The following HDAC9 variants were observed in gnomAD, a reference collection of about 807,000 sequenced individuals.
HDAC9 encodes histone deacetylase 9.
In HDAC9, 41 loss-of-function variants were observed where a neutral mutation model predicts 139.4. That is an observed-to-expected ratio of 0.29 (90% CI 0.23 to 0.38). The LOEUF is 0.38. Ranked by LOEUF, HDAC9 falls within the 10% of genes least tolerant of loss-of-function variation. The probability of loss-of-function intolerance (pLI) is 1.00; values close to 1 mark genes in which losing one functional copy is unlikely to be tolerated. For synonymous variants in HDAC9, 517 were observed against 476.2 expected (o/e 1.09, Z -1.12); for missense variants, 1,147 against 1,297.0 (o/e 0.88, Z 1.78).
chr7:18,161,951 T>G (rs940691152), intron 1 of HDAC9, among the ~76,000 whole-genome samples: 4 of 152,216 alleles, frequency 2.6e-5, no homozygotes, highest in African/African-American at 9.6e-5. Flanking sequence ...AACAATAAGC[T>G]AATTATAATT....
chr7:18,805,308 C>A (rs2129185881), intron 17 of HDAC9, among the ~76,000 whole-genome samples: 1 of 152,188 alleles, frequency 6.6e-6, no homozygotes, highest in African/African-American at 2.4e-5. Context: ...TAGACTGTTA[C>A]CAGAGTGGGG....
chr7:18,711,158 A>G (rs751977903), intron 12 of HDAC9, among the ~76,000 whole-genome samples: 14 of 152,210 alleles, frequency 9.2e-5, no homozygotes, highest in Middle Eastern at 3.2e-3. Flanking sequence ...AAATTTACAA[A>G]TTCAAAAGAT....
chr7:18,864,214 T>C (rs1585179300), intron 21 of HDAC9, among the ~76,000 whole-genome samples: 1 of 152,140 alleles, frequency 6.6e-6, no homozygotes, highest in Admixed American at 6.5e-5. Context: ...AATGAAGGGA[T>C]CCTGCCATAT....
intron 1 of HDAC9, among the ~76,000 whole-genome samples, chr7:18,434,740 A>T (rs13235862): frequency 6.6e-5 from 10 of 152,176 alleles, no homozygotes; most frequent in African/African-American, 2.4e-4. Context: ...TCAAAAAATA[A>T]CAAATGCTGA....
Position 18,835,381 on chromosome 7 carries a change from A to C in HDAC9, c.2467-86A>C, listed in dbSNP as rs1796161342. The C allele has an allele frequency of 2.2e-6, 3 of 1,368,438 alleles. No homozygotes were observed. The Admixed American group carries it at 7.7e-5, about 35-fold the overall frequency. The allele number at this position is 1,368,438 out of a possible 1,614,324, so 84.8% of individuals were successfully genotyped here. A position where few individuals can be genotyped will look rare whatever the true frequency, so the allele number is the denominator to read the frequency against. On this transcript the variant is annotated intron_variant, in intron 19 of 25. Coordinates refer to ENST00000686413, the MANE Select transcript of HDAC9 (RefSeq NM_178425.4). ...AGAAAATGAGAAAGAAAGTGGTAGA[A>C]AGACAGGGAACTAGAAATCAGAAAG... is the stretch of plus-strand genomic sequence containing the variant.
At chr7:18,414,185 A>G (rs1239092685) in intron 1 of HDAC9, among the ~76,000 whole-genome samples, 1 of 152,192 alleles carries the variant, frequency 6.6e-6, no homozygotes, top group Non-Finnish European at 1.5e-5. Flanking sequence ...AATTTGAAAA[A>G]TATTTGAGAT....
intron 1 of HDAC9, among the ~76,000 whole-genome samples, chr7:18,326,161 C>A (rs113621965): frequency 2.2e-4 from 33 of 152,112 alleles, no homozygotes; most frequent in African/African-American, 7.7e-4. Context: ...TTAATATTTT[C>A]TGTTTTTAAT....
intron 1 of HDAC9, among the ~76,000 whole-genome samples, chr7:18,396,129 C>CTTCCT: frequency 8.3e-6 from 1 of 120,430 alleles, no homozygotes; most frequent in East Asian, 3.2e-4. Context: ...CTTCCCTTCC[C>CTTCCT]TTGCCTTCCC....
chr7:18,782,817 G>C (rs1202068267), intron 16 of HDAC9, among the ~76,000 whole-genome samples: 3 of 151,970 alleles, frequency 2.0e-5, no homozygotes, highest in Non-Finnish European at 2.9e-5. Context: ...AATCCTATGA[G>C]GAAGGAGTAT....
intron 17 of HDAC9, among the ~76,000 whole-genome samples, chr7:18,797,888 T>C (rs1792944800): frequency 6.6e-6 from 1 of 152,094 alleles, no homozygotes; most frequent in South Asian, 2.1e-4. Context: ...TTTTGCTTTA[T>C]AAAAATGGAA....
chr7:18,867,900 T>C (rs943123994), intron 21 of HDAC9, among the ~76,000 whole-genome samples: 2 of 152,152 alleles, frequency 1.3e-5, no homozygotes, highest in Admixed American at 6.6e-5. Context: ...TTCAATTTTA[T>C]TTCTTCAGAT....
chr7:18,952,158 A>G (rs1398948407), intron 23 of HDAC9, among the ~76,000 whole-genome samples: 2 of 151,990 alleles, frequency 1.3e-5, no homozygotes, highest in South Asian at 2.1e-4. Flanking sequence ...TAAATGATCA[A>G]TTTAATTGCC....
chr7:18,526,740 A>G (rs1442164495), intron 2 of HDAC9, among the ~76,000 whole-genome samples: 2 of 152,194 alleles, frequency 1.3e-5, no homozygotes, highest in Non-Finnish European at 2.9e-5. Flanking sequence ...GATAGCCTAC[A>G]TAACTTAAAA....
At chr7:18,102,728 G>T (rs1189763643) in intron 1 of HDAC9, among the ~76,000 whole-genome samples, 1 of 152,112 alleles carries the variant, frequency 6.6e-6, no homozygotes, top group African/African-American at 2.4e-5. Context: ...AGCCTTCCTT[G>T]CAGCTAAGAA....
chr7:18,910,028 T>C (rs1328448064), intron 22 of HDAC9, among the ~76,000 whole-genome samples: 2 of 151,958 alleles, frequency 1.3e-5, no homozygotes, highest in Admixed American at 6.6e-5. Flanking sequence ...AGATGATCTG[T>C]CCAATGCTGA....
At chr7:18,108,199 G>C (rs771442742) in intron 1 of HDAC9, among the ~76,000 whole-genome samples, 5 of 152,178 alleles carry the variant, frequency 3.3e-5, no homozygotes, top group Non-Finnish European at 7.3e-5. Flanking sequence ...TCCAACTGCA[G>C]TGCAGGTCCA....
intron 13 of HDAC9, among the ~76,000 whole-genome samples, chr7:18,747,765 T>C (rs190394293): frequency 2.0e-5 from 3 of 152,316 alleles, no homozygotes; most frequent in Admixed American, 2.0e-4. Context: ...TATTCTTTTG[T>C]TAGACATAAT....
intron 1 of HDAC9, among the ~76,000 whole-genome samples, chr7:18,136,915 A>T (rs1450713973): frequency 3.3e-5 from 5 of 151,682 alleles, no homozygotes; most frequent in Admixed American, 2.6e-4. Flanking sequence ...TTTTCACGAT[A>T]TTGATTCTTC....
intron 2 of HDAC9, among the ~76,000 whole-genome samples, chr7:18,572,458 T>C (rs2128746954): frequency 6.6e-6 from 1 of 151,920 alleles, no homozygotes; most frequent in East Asian, 2.0e-4. Flanking sequence ...TATTTGTCTG[T>C]GACCTAGAAG....
Sources: allele counts gnomAD v4.1 joint callset (sites outside exome capture counted in the v4.1 genomes callset), GRCh38; gene constraint gnomAD v4.1.1; transcripts MANE v1.5; gene names NCBI Gene and HGNC (gene_info 2026-07-23, HGNC 2026-07-21).